TBL1XR1: variants seen among roughly 807,000 people sequenced by gnomAD.
TBL1XR1 encodes F-box-like/WD repeat-containing protein TBL1XR1.
Under a neutral mutation model 66.9 loss-of-function variants are expected in TBL1XR1, and 5 were observed. The ratio of observed to expected loss-of-function variants is 0.07; its 90% CI spans 0.04 to 0.16. TBL1XR1 has a LOEUF of 0.16. Among genes scored for constraint, TBL1XR1 ranks in the 10% least tolerant of loss-of-function variants. The probability of loss-of-function intolerance (pLI) is 1.00; values close to 1 mark genes in which losing one functional copy is unlikely to be tolerated. For missense variants in TBL1XR1, 238 were observed against 623.2 expected, an observed-to-expected ratio of 0.38 and a Z score of 6.58; for synonymous variants, 210 against 206.0, an observed-to-expected ratio of 1.02 and a Z score of -0.17.
chr3:177,131,114 T>A (rs2108785958), intron 1 of TBL1XR1, among the ~76,000 whole-genome samples: 1 of 152,058 alleles, frequency 6.6e-6, no homozygotes, highest in African/African-American at 2.4e-5. Flanking sequence ...GGAATCCATG[T>A]CAAGCACAAT....
intron 3 of TBL1XR1, among the ~76,000 whole-genome samples, chr3:177,055,694 T>G (rs1717718798): frequency 6.6e-6 from 1 of 151,960 alleles, no homozygotes; most frequent in Non-Finnish European, 1.5e-5. Flanking sequence ...GGAGAAACAA[T>G]GAGAGACATA....
At chr3:177,110,722 T>G (rs1725451652) in intron 1 of TBL1XR1, 1 of 152,054 alleles carries the variant, frequency 6.6e-6, no homozygotes, top group Admixed American at 6.5e-5. Flanking sequence ...AAGAATTAAA[T>G]GAGATGAGAG....
chr3:177,041,830 C>T (rs1209645285), intron 10 of TBL1XR1, among the ~76,000 whole-genome samples: 2 of 152,080 alleles, frequency 1.3e-5, no homozygotes, highest in Non-Finnish European at 2.9e-5. Context: ...GTGAGGAGTC[C>T]AAAGTTAGGA....
At chr3:177,181,314 T>C (rs1391795764) in intron 1 of TBL1XR1, among the ~76,000 whole-genome samples, 1 of 151,854 alleles carries the variant, frequency 6.6e-6, no homozygotes, top group Non-Finnish European at 1.5e-5. Context: ...ACCCCATCTC[T>C]ACTAGTAATA....
rs182273209 is a variant in TBL1XR1 at position 177,115,695 on chromosome 3, T to C, written c.-121-17154A>G. On this transcript the variant is annotated intron_variant, in intron 1 of 15. Transcript: ENST00000457928. ...TCCCAAAATTTATAATTGAACATCA[T>C]TGGATATCTAAAATTTAAGCTTTTG... Among the ~76,000 whole-genome samples, 14 of 152,334 alleles carry C rather than the reference T, an allele frequency of 9.2e-5. No homozygotes were observed. In the East Asian group the frequency reaches 9.6e-4, roughly 10 times the overall value.
upstream of TBL1XR1, among the ~76,000 whole-genome samples, chr3:177,199,779 T>C (rs1737306178): frequency 6.6e-6 from 1 of 152,172 alleles, no homozygotes; most frequent in Admixed American, 6.5e-5. Context: ...TCAGTGTTAG[T>C]TGAGCCTCCT....
chr3:177,156,583 A>G (rs1022113502), intron 1 of TBL1XR1, among the ~76,000 whole-genome samples: 1 of 151,054 alleles, frequency 6.6e-6, no homozygotes, highest in Non-Finnish European at 1.5e-5. Context: ...ATTTATATAT[A>G]TATATATAAA....
intron 1 of TBL1XR1, among the ~76,000 whole-genome samples, chr3:177,184,741 C>T (rs1458347275): frequency 6.6e-6 from 1 of 151,124 alleles, no homozygotes; most frequent in African/African-American, 2.4e-5. Flanking sequence ...GCAGAGGCTG[C>T]AGTAAGCCGA....
chr3:177,064,667 A>G (rs1577062207), intron 3 of TBL1XR1, among the ~76,000 whole-genome samples: 3 of 152,332 alleles, frequency 2.0e-5, no homozygotes, highest in South Asian at 2.1e-4. Flanking sequence ...ATCTCACCTC[A>G]TAACAGATTA....
rs143467818 is a variant in TBL1XR1 at position 177,175,379 on chromosome 3, T to G, written c.-122+21742A>C. Among the ~76,000 whole-genome samples the G allele has an allele frequency of 5.9e-3, 895 of 152,314 alleles. 7 individuals are homozygous for G. Among genetic ancestry groups the G allele is most frequent in the Non-Finnish European group, 9.8e-3 (664 of 68,026 alleles). Reference sequence around the variant, plus strand: ...TAATTCTCTCTTCCATGAAACAGAATGTAACAAATGCACCTGAACTCACAA... The same window carrying G: ...TAATTCTCTCTTCCATGAAACAGAAGGTAACAAATGCACCTGAACTCACAA... On this transcript the variant is annotated intron_variant, in intron 1 of 15. Transcript: ENST00000457928.
Position 177,153,170 on chromosome 3 carries a change from A to T in TBL1XR1, c.-122+43951T>A, listed in dbSNP as rs541416416. ...TAAAATAAAATAAAGTGTTGAAGTA[A>T]AAAGATTAACACATAATTCTATACT... On this transcript the variant is annotated intron_variant, in intron 1 of 15. Transcript: ENST00000457928. 4.6e-5 allele frequency among the ~76,000 whole-genome samples: 7 copies of T among 152,272 alleles called. No homozygotes were observed. The South Asian group carries it at 6.2e-4, about 14-fold the overall frequency.
At chr3:177,160,571 C>T (rs1273859946) in intron 1 of TBL1XR1, among the ~76,000 whole-genome samples, 1 of 151,982 alleles carries the variant, frequency 6.6e-6, no homozygotes, top group Non-Finnish European at 1.5e-5. Context: ...ATTCTGCTTC[C>T]AATTCCAGGA....
At chr3:177,186,716 T>C (rs1450387709) in intron 1 of TBL1XR1, among the ~76,000 whole-genome samples, 2 of 152,180 alleles carry the variant, frequency 1.3e-5, no homozygotes, top group Non-Finnish European at 2.9e-5. Context: ...ACTATTACTC[T>C]ATGAAAGGCT....
At chr3:177,163,100 A>C (rs1320528762) in intron 1 of TBL1XR1, among the ~76,000 whole-genome samples, 1 of 152,198 alleles carries the variant, frequency 6.6e-6, no homozygotes, top group Non-Finnish European at 1.5e-5. Flanking sequence ...TACCAAGGTT[A>C]TTCACTCAAC....
intron 2 of TBL1XR1, among the ~76,000 whole-genome samples, chr3:177,071,603 A>T (rs745530331): frequency 6.6e-6 from 1 of 151,672 alleles, no homozygotes; most frequent in Non-Finnish European, 1.5e-5. Context: ...GTATAGTTTT[A>T]AAAAAAAACT....
chr3:177,101,415 C>T (rs192038756), intron 1 of TBL1XR1, among the ~76,000 whole-genome samples: 332 of 152,230 alleles, frequency 2.2e-3, no homozygotes, highest in Middle Eastern at 6.8e-3. Context: ...AATTGTGTCC[C>T]TCAAATTTCA....
intron 1 of TBL1XR1, among the ~76,000 whole-genome samples, chr3:177,176,332 G>A (rs1039930578): frequency 6.6e-6 from 1 of 150,828 alleles, no homozygotes; most frequent in Admixed American, 6.6e-5. Context: ...GAGTAGCTGC[G>A]ATTACAGGCT....
chr3:177,154,504 C>A (rs1731262462), intron 1 of TBL1XR1, among the ~76,000 whole-genome samples: 1 of 152,026 alleles, frequency 6.6e-6, no homozygotes, highest in Non-Finnish European at 1.5e-5. Flanking sequence ...TCAAGAGATT[C>A]TCCAGCCTCA....
At chr3:177,034,944 A>G (rs544865867) in intron 12 of TBL1XR1, among the ~76,000 whole-genome samples, 9 of 83,242 alleles carry the variant, frequency 1.1e-4, no homozygotes, top group East Asian at 7.6e-4. Flanking sequence ...TATTTCTGGG[A>G]AAAAAAAAAT....
Sources: gnomAD v4.1 joint callset for allele counts (sites outside exome capture counted in the v4.1 genomes callset) on GRCh38, gnomAD v4.1.1 for gene constraint, MANE v1.5 for transcripts, NCBI Gene and HGNC (gene_info 2026-07-23, HGNC 2026-07-21) for gene names.